Variants in MUC4 observed in about 807,000 individuals in gnomAD.
The protein encoded by MUC4 is mucin-4.
Under a neutral mutation model 257.9 loss-of-function variants are expected in MUC4, and 202 were observed. The observed-to-expected ratio is 0.78, with a 90% CI of 0.70 to 0.88. The LOEUF (loss-of-function observed/expected upper bound fraction) is 0.88, where lower values mean the gene tolerates loss of function less well. Among genes scored for constraint, MUC4 ranks in the 40% least tolerant of loss-of-function variants. The pLI is 0.00. For synonymous variants in MUC4, 2,351 were observed against 2,757.1 expected (o/e 0.85, Z 4.62); for missense variants, 5,976 against 6,513.7 (o/e 0.92, Z 2.84).
At chr3:195,773,802 A>T (rs1723728599) in intron 4 of MUC4, among the ~76,000 whole-genome samples, 1 of 152,110 alleles carries the variant, frequency 6.6e-6, no homozygotes, top group Admixed American at 6.5e-5. Context: ...CTGTGTTCGG[A>T]CTCAGCCTCC....
At chr3:195,754,642 C>T (rs1046360709) in intron 18 of MUC4, among the ~76,000 whole-genome samples, 3 of 152,264 alleles carry the variant, frequency 2.0e-5, no homozygotes, top group Non-Finnish European at 4.4e-5. Flanking sequence ...AGCCTCTTCC[C>T]TCTCACACTC....
chr3:195,752,365 G>A lies in MUC4; in HGVS notation c.15582+8C>T, dbSNP rs1716620879. 3 of 1,611,336 alleles carry A rather than the reference G, an allele frequency of 1.9e-6. No homozygotes were observed. Reference sequence around the variant, plus strand: ...CCTCCCACCCAGAGCGCGGCCTGCAGCACTGACCGAGGCGTTGACTTCTGC... The same window carrying A: ...CCTCCCACCCAGAGCGCGGCCTGCAACACTGACCGAGGCGTTGACTTCTGC... On this transcript the variant is annotated splice_region_variant and intron_variant, in intron 21 of 24. Coordinates refer to ENST00000463781, the MANE Select transcript of MUC4 (RefSeq NM_018406.7).
At position 195,791,346 on chromosome 3, in the gene MUC4, C is replaced by A. The variant is rs543846268; in HGVS notation, c.234G>T (p.Gln78His). 1 of 1,613,956 alleles carries A rather than the reference C, an allele frequency of 6.2e-7. No homozygotes were observed. Among genetic ancestry groups the A allele is most frequent in the Admixed American group, 1.7e-5 (1 of 60,024 alleles). Reference sequence around the variant, plus strand: ...TGCTGGTGGTCTCCGTGCTCTTAGTCTGGTGGTTCTGAGATGAAGCTGATA... The same window carrying A: ...TGCTGGTGGTCTCCGTGCTCTTAGTATGGTGGTTCTGAGATGAAGCTGATA... The part of the protein sequence containing the change: ...QDISASSQNH[Q>H]TKSTETTSKA... The change falls in exon 2 of 25, where the codon CAG (glutamine) becomes CAT (histidine). Residue 78 changes from glutamine to histidine, a missense_variant. This residue lies in a region of MUC4 where 1,583 missense variants were observed against 1,257.4 expected (regional missense o/e 1.26). Transcript: ENST00000463781.
Position 195,783,691 on chromosome 3 carries a change from G to GCGTC in MUC4, c.7888_7889insGACG (p.Pro2630ArgfsTer41). On this transcript the variant is annotated frameshift_variant, in exon 2 of 25. Transcript: ENST00000463781. LOFTEE classifies it high-confidence loss of function. ...GGCGTGACCTGTGGATGCTGAGGAA[G>GCGTC]GGCTAGTGACAGGAAGAGGCGTGGT... 2.4e-6 allele frequency: 1 copy of GCGTC among 420,562 alleles called. No homozygotes were observed. Among genetic ancestry groups the GCGTC allele is most frequent in the East Asian group, 3.4e-5 (1 of 29,836 alleles). 26.1% of individuals were successfully genotyped at this position (420,562 alleles called of 1,614,324 possible).
chr3:195,761,379 C>T, intron 15 of MUC4, 105 bp downstream of exon 15: 1 of 1,027,122 alleles, frequency 9.7e-7, no homozygotes, highest in South Asian at 1.4e-5. Context: ...TTCCTCAGAC[C>T]TTAGGGAGGA....
chr3:195,758,761 G>A (rs1426230945), intron 17 of MUC4, among the ~76,000 whole-genome samples: 1 of 150,478 alleles, frequency 6.6e-6, no homozygotes, highest in Non-Finnish European at 1.5e-5. Context: ...AGTACAGACG[G>A]GGTTTCACCA....
intron 11 of MUC4, 89 bp downstream of exon 11, chr3:195,763,956 C>G (rs1719813184): frequency 1.4e-6 from 2 of 1,475,106 alleles, no homozygotes; most frequent in Admixed American, 4.6e-5. Context: ...ACAGCTCTGC[C>G]CCTACTCCTT....
At position 195,750,908 on chromosome 3, in the gene MUC4, G is replaced by A. The variant is rs79428658; in HGVS notation, c.15852C>T (p.Asp5284=). 9,708 of 1,613,582 alleles carry A rather than the reference G, an allele frequency of 6.0e-3. 394 individuals carry two copies. The African/African-American group carries it at 0.098, about 16-fold the overall frequency. The change falls in exon 23 of 25, where the codon GAC becomes GAT. Residue 5284 remains aspartate (D), a synonymous_variant. Coordinates refer to ENST00000463781, the MANE Select transcript of MUC4 (RefSeq NM_018406.7). ...DVVFQPISGE[D]VRDVTALNVS... is the part of the protein sequence containing the mutation. ...ACTCACGGGCTGTCACATCGCGCAC[G>A]TCTTCCCCGGAGATGGGCTGGAAGA... is the stretch of plus-strand genomic sequence containing the variant.
Position 195,784,029 on chromosome 3 carries a change from G to T in MUC4, c.7551C>A (p.Asp2517Glu), listed in dbSNP as rs201192572. ...TGTCACCTGTGGATGCTGAGGGAGTGTCGGTGACAGGTAGAGGGGTGGTGT... is the reference window on the plus strand; with the variant it reads ...TGTCACCTGTGGATGCTGAGGGAGTTTCGGTGACAGGTAGAGGGGTGGTGT... ...TGHTTPLPVT[D>E]TPSASTGDTT... The change falls in exon 2 of 25, where the codon GAC becomes GAA. Residue 2517 changes from aspartate (D) to glutamate (E), a missense_variant. Around this residue, in one of 44 missense-constraint regions of MUC4, gnomAD observed 135 missense variants for 114.7 expected, o/e 1.18. Coordinates refer to ENST00000463781, the MANE Select transcript of MUC4 (RefSeq NM_018406.7). 148,862 of 1,452,374 alleles carry T rather than the reference G, an allele frequency of 0.1. 7,883 individuals are homozygous for T. Among genetic ancestry groups the T allele is most frequent in the Middle Eastern group, 0.21 (911 of 4,388 alleles). The allele number at this position is 1,452,374 out of a possible 1,614,324, so 90.0% of individuals were successfully genotyped here. A position where few individuals can be genotyped will look rare whatever the true frequency, so the allele number is the denominator to read the frequency against.
chr3:195,807,951 T>A (rs534479270), intron 1 of MUC4, among the ~76,000 whole-genome samples: 60 of 152,288 alleles, frequency 3.9e-4, no homozygotes, highest in African/African-American at 1.4e-3. Flanking sequence ...GTGGCGGGAC[T>A]CACAGGCAGG....
chr3:195,811,913 T>G lies in MUC4; in HGVS notation c.-96A>C. The stretch of plus-strand genomic sequence containing the variant: ...ACGTGAGCCCGTCCCCTCAGGCGGC[T>G]GGCCCGAACCAAGTGCGTTTCTCCG... On this transcript the variant is annotated 5_prime_UTR_variant, in exon 1 of 25. Coordinates refer to ENST00000463781, the MANE Select transcript of MUC4 (RefSeq NM_018406.7). 1 of 1,257,982 alleles carries G rather than the reference T, an allele frequency of 7.9e-7. No individual in the cohort carries two copies. Among genetic ancestry groups the G allele is most frequent in the South Asian group, 1.4e-5 (1 of 73,188 alleles). The allele number at this position is 1,257,982 out of a possible 1,614,324, so 77.9% of individuals were successfully genotyped here. A position where few individuals can be genotyped will look rare whatever the true frequency, so the allele number is the denominator to read the frequency against.
rs756582830 is a variant in MUC4 at position 195,783,049 on chromosome 3, C to T, written c.8531G>A (p.Gly2844Asp). 2.7e-5 allele frequency: 22 copies of T among 821,076 alleles called. 1 individual carries two copies. The highest frequency in any genetic ancestry group is 3.6e-4 in the Middle Eastern group (1 of 2,788). 50.9% of individuals were successfully genotyped at this position (821,076 alleles called of 1,614,324 possible). A position where few individuals can be genotyped will look rare whatever the true frequency, so the allele number is the denominator to read the frequency against. ...GGTGACAGGAAGAGGGGTGGTGTGA[C>T]CTGAGGATGCTGAGGAAGGGATGGT... The part of the protein sequence containing the change: ...PVTIPSSASS[G>D]HTTPLPVTDA... Residue 2844 changes from glycine (G) to aspartate (D), a missense_variant, in exon 2 of 25, where the codon GGT becomes GAT. Gly to Asp is a moderately conservative substitution (Grantham distance 94). Coordinates refer to ENST00000463781, the MANE Select transcript of MUC4 (RefSeq NM_018406.7).
Position 195,788,786 on chromosome 3 carries a change from A to C in MUC4, c.2794T>G (p.Phe932Val). The change falls in exon 2 of 25, where the codon TTC becomes GTC. Residue 932 changes from phenylalanine (F) to valine (V), a missense_variant. Around this residue, in one of 44 missense-constraint regions of MUC4, gnomAD observed 1,583 missense variants for 1,257.4 expected, o/e 1.26. Transcript: ENST00000463781. The stretch of plus-strand genomic sequence containing the variant: ...GGAGGTGTGGGTGGGACTGTTGAGA[A>C]GGTGTCGGTTGCCTGGGACGCCAGG... ...ISLASQATDTFSTVPPTPPSI... is the reference protein window; with the variant it reads ...ISLASQATDTVSTVPPTPPSI... The C allele has an allele frequency of 6.2e-7, 1 of 1,613,830 alleles. No homozygotes were observed. Among genetic ancestry groups the C allele is most frequent in the Non-Finnish European group, 8.5e-7 (1 of 1,179,838 alleles).
chr3:195,799,899 T>C (rs1735079875), intron 1 of MUC4, among the ~76,000 whole-genome samples: 1 of 152,152 alleles, frequency 6.6e-6, no homozygotes, highest in Non-Finnish European at 1.5e-5. Flanking sequence ...GTGTGCCTGT[T>C]TCCCCATATC....
chr3:195,748,698 T>C (rs1715683445), intron 24 of MUC4, among the ~76,000 whole-genome samples: 1 of 152,288 alleles, frequency 6.6e-6, no homozygotes, highest in African/African-American at 2.4e-5. Flanking sequence ...AGCCCCCCTA[T>C]GGCTCTTTTG....
At chr3:195,763,026 G>T in intron 12 of MUC4, 81 bp from the exon 13 acceptor site, 1 of 1,208,090 alleles carries the variant, frequency 8.3e-7, no homozygotes, top group Non-Finnish European at 1.2e-6. Context: ...GAGCCCCTGG[G>T]GCTGGAAGCT....
intron 7 of MUC4, among the ~76,000 whole-genome samples, chr3:195,767,463 TACCACCAC>T (rs1720838023): frequency 2.7e-5 from 1 of 37,344 alleles, no homozygotes; most frequent in African/African-American, 9.3e-5. Flanking sequence ...CCACCAACAC[TACCACCAC>T]CATCACCATC....
At chr3:195,797,327 A>G (rs1245051515) in intron 1 of MUC4, among the ~76,000 whole-genome samples, 1 of 152,028 alleles carries the variant, frequency 6.6e-6, no homozygotes, top group East Asian at 1.9e-4. Context: ...CTGAGTTTAA[A>G]TCAGAAATGC....
In MUC4 at chr3:195,781,189, G is replaced by C. The variant is rs200799263; in HGVS notation, c.10391C>G (p.Ser3464Ter). The C allele has an allele frequency of 7.3e-7, 1 of 1,372,742 alleles. No individual in the cohort carries two copies. Among genetic ancestry groups the C allele is most frequent in the East Asian group, 2.8e-5 (1 of 35,848 alleles). The allele number at this position is 1,372,742 out of a possible 1,614,324, so 85.0% of individuals were successfully genotyped here. The change falls in exon 2 of 25, where the codon TCA (serine) becomes TGA (stop). Residue 3464 changes from serine (S) to a stop codon, truncating the protein, a stop_gained. Coordinates refer to ENST00000463781, the MANE Select transcript of MUC4 (RefSeq NM_018406.7). LOFTEE classifies it high-confidence loss of function. ...AGGGGTGGTGTCACCTGTGGATGCT[G>C]AGGAAGTGTCGGTGACAGGAAGAGG... is the stretch of plus-strand genomic sequence containing the variant. ...TTPLPVTDTS[S>*]ASTGDTTPLP...
Sources: allele counts gnomAD v4.1 joint callset (sites outside exome capture counted in the v4.1 genomes callset), GRCh38; gene constraint gnomAD v4.1.1; regional missense constraint gnomAD v4.1.1; transcripts MANE v1.5; gene names NCBI Gene and HGNC (gene_info 2026-07-23, HGNC 2026-07-21).